The following ADGRB3 variants were observed in gnomAD, a reference collection of about 807,000 sequenced individuals.
ADGRB3 encodes the protein brain-specific angiogenesis inhibitor 3.
In ADGRB3, 37 loss-of-function variants were observed where a neutral mutation model predicts 193.4. The observed-to-expected ratio is 0.19, with a 90% CI of 0.15 to 0.25. The LOEUF is 0.25. Ranked by LOEUF, ADGRB3 falls within the 10% of genes least tolerant of loss-of-function variation. The pLI, the probability that ADGRB3 is intolerant of heterozygous loss-of-function variation, is 1.00. For synonymous variants in ADGRB3, 690 were observed against 644.2 expected, an observed-to-expected ratio of 1.07 and a Z score of -1.08; for missense variants, 1,637 against 1,852.9, an observed-to-expected ratio of 0.88 and a Z score of 2.14.
chr6:68,904,121 G>A (rs1263401961), intron 3 of ADGRB3, among the ~76,000 whole-genome samples: 1 of 78,026 alleles, frequency 1.3e-5, no homozygotes, highest in African/African-American at 3.9e-5. Context: ...AAGGGAGGGA[G>A]GGAGGAAGGA....
At chr6:68,776,515 G>T (rs531718479) in intron 3 of ADGRB3, among the ~76,000 whole-genome samples, 1 of 152,060 alleles carries the variant, frequency 6.6e-6, no homozygotes, top group East Asian at 1.9e-4. Flanking sequence ...AGAAATATGT[G>T]CACCCAGACT....
rs1194076661 is a variant in ADGRB3, at chr6:68,975,454, A to G, written c.1734+114A>G. 4 of 757,540 alleles carry G rather than the reference A, an allele frequency of 5.3e-6. No individual in the cohort carries two copies. The Admixed American group carries it at 1.1e-4, about 21-fold the overall frequency. 46.9% of individuals were successfully genotyped at this position (757,540 alleles called of 1,614,324 possible). A position where few individuals can be genotyped will look rare whatever the true frequency, so the allele number is the denominator to read the frequency against. ...AATCAGTAACATCTCTAAAAAAGAA[A>G]TGCCTGAAGGAGAAAGCAATGTGAT... is the stretch of plus-strand genomic sequence containing the variant. On this transcript the variant is annotated intron_variant, in intron 10 of 31. Coordinates refer to ENST00000370598, the MANE Select transcript of ADGRB3 (RefSeq NM_001704.3).
chr6:69,199,955 C>A (rs1008379654), intron 17 of ADGRB3, among the ~76,000 whole-genome samples: 1 of 151,650 alleles, frequency 6.6e-6, no homozygotes, highest in Admixed American at 6.6e-5. Flanking sequence ...GTTTTTGAGC[C>A]ATTCAATGTT....
chr6:68,925,015 A>G (rs983341410), intron 3 of ADGRB3, among the ~76,000 whole-genome samples: 5 of 151,908 alleles, frequency 3.3e-5, no homozygotes, highest in African/African-American at 7.2e-5. Flanking sequence ...TGAAATTAGT[A>G]TATTTATAAT....
intron 3 of ADGRB3, among the ~76,000 whole-genome samples, chr6:68,815,562 C>A (rs2127377841): frequency 6.6e-6 from 1 of 151,096 alleles, no homozygotes; most frequent in African/African-American, 2.4e-5. Flanking sequence ...GAACATTCAA[C>A]TTTCAAGATA....
Position 69,078,939 on chromosome 6 carries a change from A to G in ADGRB3, c.2480+2901A>G, listed in dbSNP as rs560313457. Among the ~76,000 whole-genome samples the G allele has an allele frequency of 1.1e-4, 17 of 152,180 alleles. 1 individual carries two copies. Among genetic ancestry groups the G allele is most frequent in the Admixed American group, 9.8e-4 (15 of 15,270 alleles). On this transcript the variant is annotated intron_variant, in intron 17 of 31. Transcript: ENST00000370598. The stretch of plus-strand genomic sequence containing the variant: ...TATTGGCTACTTTGGTAAAAGAATG[A>G]ATGTTTGCATGTTTCGTAGGTACAT...
chr6:69,235,346 A>C (rs1184916926), intron 19 of ADGRB3, among the ~76,000 whole-genome samples: 1 of 152,126 alleles, frequency 6.6e-6, no homozygotes, highest in Non-Finnish European at 1.5e-5. Flanking sequence ...GAAAATAAAC[A>C]GTACACACAT....
At position 68,868,371 on chromosome 6, in the gene ADGRB3, T is replaced by A. The variant is rs147585469; in HGVS notation, c.758-62188T>A. Among the ~76,000 whole-genome samples, 29 of 152,312 alleles carry A rather than the reference T, an allele frequency of 1.9e-4. No homozygotes were observed. In the South Asian group the frequency reaches 2.7e-3, roughly 14 times the overall value. ...TAAGTTTCTGAGGCCTCCCCAGCCATGTAAAAGTGTGAGTCAATTAAACCT... is the reference window on the plus strand; with the variant it reads ...TAAGTTTCTGAGGCCTCCCCAGCCAAGTAAAAGTGTGAGTCAATTAAACCT... On this transcript the variant is annotated intron_variant, in intron 3 of 31. Coordinates refer to ENST00000370598, the MANE Select transcript of ADGRB3 (RefSeq NM_001704.3).
Position 68,849,621 on chromosome 6 carries a change from T to C in ADGRB3, c.758-80938T>C, listed in dbSNP as rs181733348. 3.9e-4 allele frequency among the ~76,000 whole-genome samples: 60 copies of C among 152,042 alleles called. No homozygotes were observed. In the East Asian group the frequency reaches 6.9e-3, roughly 18 times the overall value. On this transcript the variant is annotated intron_variant, in intron 3 of 31. Coordinates refer to ENST00000370598, the MANE Select transcript of ADGRB3 (RefSeq NM_001704.3). ...AATACTGAAAATTAAAGATGAAAAT[T>C]CAAATTCTACCACTCTCAAACTCTC...
chr6:68,758,689 T>C lies in ADGRB3; in HGVS notation c.757+119257T>C, dbSNP rs538646075. ...CAGTCCAGCTGAATTATTATCTCCT[T>C]CTTGAAGTCATTTTTATAGCCCCTA... On this transcript the variant is annotated intron_variant, in intron 3 of 31. Coordinates refer to ENST00000370598, the MANE Select transcript of ADGRB3 (RefSeq NM_001704.3). Among the ~76,000 whole-genome samples, 51 of 152,236 alleles carry C rather than the reference T, an allele frequency of 3.4e-4. No homozygotes were observed. The South Asian group carries it at 1.0e-2, about 30-fold the overall frequency.
intron 10 of ADGRB3, among the ~76,000 whole-genome samples, chr6:68,982,792 T>C (rs184100836): frequency 6.6e-6 from 1 of 152,290 alleles, no homozygotes; most frequent in Admixed American, 6.5e-5. Context: ...ACTATATTTT[T>C]CCATCTCTGG....
At chr6:68,963,624 A>G (rs182436545) in intron 8 of ADGRB3, among the ~76,000 whole-genome samples, 2 of 152,294 alleles carry the variant, frequency 1.3e-5, no homozygotes, top group Non-Finnish European at 2.9e-5. Flanking sequence ...ACAGGGGTGC[A>G]TATTCTCCCC....
chr6:68,749,472 G>A (rs1490565628), intron 3 of ADGRB3, among the ~76,000 whole-genome samples: 2 of 149,264 alleles, frequency 1.3e-5, no homozygotes, highest in African/African-American at 4.9e-5. Context: ...CCCTCTAAGA[G>A]AACCCTAATA....
At chr6:68,979,776 A>G (rs1768854047) in intron 10 of ADGRB3, among the ~76,000 whole-genome samples, 1 of 151,486 alleles carries the variant, frequency 6.6e-6, no homozygotes, top group Admixed American at 6.6e-5. Context: ...CCAGTGGGCC[A>G]GCCTACACTT....
chr6:69,178,214 G>T (rs567495862), intron 17 of ADGRB3, among the ~76,000 whole-genome samples: 1 of 151,660 alleles, frequency 6.6e-6, no homozygotes, highest in East Asian at 1.9e-4. Flanking sequence ...TACTTTGGTT[G>T]GTTTAAAGTC....
intron 17 of ADGRB3, among the ~76,000 whole-genome samples, chr6:69,224,439 G>A (rs775333014): frequency 6.6e-6 from 1 of 152,024 alleles, no homozygotes; most frequent in Non-Finnish European, 1.5e-5. Flanking sequence ...TTGGTTCCTA[G>A]CCCAGACCAA....
intron 26 of ADGRB3, 59 bp from the exon 27 acceptor site, chr6:69,354,174 A>C: frequency 8.1e-7 from 1 of 1,238,280 alleles, no homozygotes; most frequent in Middle Eastern, 1.9e-4. Flanking sequence ...TTGCCAAGAT[A>C]GACAGTATCT....
chr6:68,916,924 A>G (rs1331433105), intron 3 of ADGRB3, among the ~76,000 whole-genome samples: 1 of 152,170 alleles, frequency 6.6e-6, no homozygotes, highest in Non-Finnish European at 1.5e-5. Flanking sequence ...GAAGTCATAA[A>G]AGGACTTTAT....
intron 17 of ADGRB3, among the ~76,000 whole-genome samples, chr6:69,199,090 G>A (rs758800578): frequency 2.6e-5 from 4 of 152,050 alleles, no homozygotes; most frequent in Non-Finnish European, 5.9e-5. Flanking sequence ...GATGGGCTTC[G>A]GAACAGCTAT....
Sources: gnomAD v4.1 joint callset for allele counts (sites outside exome capture counted in the v4.1 genomes callset) on GRCh38, gnomAD v4.1.1 for gene constraint, MANE v1.5 for transcripts, NCBI Gene and HGNC (gene_info 2026-07-23, HGNC 2026-07-21) for gene names.